Variants in JPT1 observed in about 807,000 individuals in gnomAD.
JPT1 encodes androgen-regulated protein 2.
Under a neutral mutation model 17.0 loss-of-function variants are expected in JPT1, and 5 were observed. The ratio of observed to expected loss-of-function variants is 0.29; its 90% confidence interval spans 0.15 to 0.62. JPT1 has a LOEUF of 0.62. JPT1 is among the 20% of genes least tolerant of loss of function. The probability of loss-of-function intolerance (pLI) is 0.85; values close to 1 mark genes in which losing one functional copy is unlikely to be tolerated. For missense variants in JPT1, 158 were observed against 188.1 expected, an observed-to-expected ratio of 0.84 and a Z score of 0.94; for synonymous variants, 71 against 73.6, an observed-to-expected ratio of 0.96 and a Z score of 0.18.
chr17:75,146,456 A>C, intron 4 of JPT1: 1 of 485,652 alleles, frequency 2.1e-6, no homozygotes. Context: ...CCCAGCCAAT[A>C]TATGTAATTT....
At chr17:75,137,059 T>A (rs2074212452) in intron 4 of JPT1, among the ~76,000 whole-genome samples, 1 of 152,212 alleles carries the variant, frequency 6.6e-6, no homozygotes. Context: ...GCCTTGCTTA[T>A]TAACTGTATG....
intron 4 of JPT1, 52 bp downstream of exon 4, chr17:75,146,614 C>G: frequency 7.4e-7 from 1 of 1,351,316 alleles, no homozygotes; most frequent in Non-Finnish European, 1.0e-6. Context: ...AGATTCAGAT[C>G]TGTCCTAAAA....
In JPT1 at chr17:75,146,355, T is replaced by C. The variant is rs2074434845; in HGVS notation, c.316+311A>G. 3 of 253,704 alleles carry C rather than the reference T, an allele frequency of 1.2e-5. No individual in the cohort carries two copies. In the South Asian group the frequency reaches 2.5e-4, roughly 21 times the overall value. 15.7% of individuals were successfully genotyped at this position (253,704 alleles called of 1,614,324 possible). ...TTTTTATAGAGACAGGGTTTCACCA[T>C]GTTTCCAGGCTGGTCTTGAACTCCT... On this transcript the variant is annotated intron_variant, in intron 4 of 4. Coordinates refer to ENST00000409753, the MANE Select transcript of JPT1 (RefSeq NM_016185.4).
chr17:75,142,634 GGGAGGGGA>G (rs2074345041), intron 4 of JPT1: 14 of 286,442 alleles, frequency 4.9e-5, no homozygotes, highest in East Asian at 2.9e-4. Flanking sequence ...AGGGAGGGGA[GGGAGGGGA>G]GGGGGGGATG....
In JPT1 at chr17:75,147,546, T is replaced by A. The variant is rs943251169; in HGVS notation, c.297+10A>T. ...TGAAAGCCTTTCTGGCCTCATGCTG[T>A]CACACTGACCTTCAGATCTAAGAAG... On this transcript the variant is annotated intron_variant, in intron 3 of 4. Transcript: ENST00000409753. 6.2e-7 allele frequency: 1 copy of A among 1,600,614 alleles called. No individual in the cohort carries two copies. The highest frequency in any genetic ancestry group is 1.7e-5 in the Admixed American group (1 of 59,994).
intron 4 of JPT1, among the ~76,000 whole-genome samples, chr17:75,137,957 C>CT (rs750540514): frequency 1.3e-5 from 2 of 149,238 alleles, no homozygotes; most frequent in African/African-American, 4.9e-5. Context: ...CCTAGTTTTC[C>CT]TTTTTTTTCT....
At chr17:75,145,250 CGT>C (rs2074404050) in intron 4 of JPT1, 1 of 151,488 alleles carries the variant, frequency 6.6e-6, no homozygotes, top group Non-Finnish European at 1.5e-5. Flanking sequence ...TCAACCTTTC[CGT>C]GTGTCCTTGT....
intron 4 of JPT1, among the ~76,000 whole-genome samples, chr17:75,143,890 A>AG (rs1375461578): frequency 6.6e-6 from 1 of 152,002 alleles, no homozygotes; most frequent in Non-Finnish European, 1.5e-5. Context: ...AAAACCCAAA[A>AG]GGGGCTGGGC....
chr17:75,146,897 A>T (rs7225769), intron 3 of JPT1: 11,296 of 493,684 alleles, frequency 0.023, 1,035 homozygotes, highest in African/African-American at 0.2. Flanking sequence ...TGCTAGTACC[A>T]CGTCTACAAC....
At chr17:75,147,029 T>C (rs750926879) in intron 3 of JPT1, among the ~76,000 whole-genome samples, 33 of 152,186 alleles carry the variant, frequency 2.2e-4, no homozygotes, top group Non-Finnish European at 3.8e-4. Context: ...AAGGGGAAAC[T>C]AGATAATAGT....
At chr17:75,143,632 T>C (rs2074368848) in intron 4 of JPT1, among the ~76,000 whole-genome samples, 1 of 151,516 alleles carries the variant, frequency 6.6e-6, no homozygotes, top group African/African-American at 2.4e-5. Flanking sequence ...GGTCAGGAGA[T>C]CAAGACCAGC....
chr17:75,137,624 CT>C (rs147035621), intron 4 of JPT1, among the ~76,000 whole-genome samples: 66 of 151,502 alleles, frequency 4.4e-4, no homozygotes, highest in African/African-American at 1.5e-3. Context: ...CCATCTCACC[CT>C]CCCTAAGTGC....
At chr17:75,136,690 C>T (rs1363552541) in intron 4 of JPT1, among the ~76,000 whole-genome samples, 1 of 152,174 alleles carries the variant, frequency 6.6e-6, no homozygotes, top group Non-Finnish European at 1.5e-5. Context: ...TGGGGTTTCA[C>T]CATCCTGGCC....
chr17:75,138,919 A>C (rs984242139), intron 4 of JPT1, among the ~76,000 whole-genome samples: 1 of 152,168 alleles, frequency 6.6e-6, no homozygotes, highest in Non-Finnish European at 1.5e-5. Flanking sequence ...GAGTAACATA[A>C]AATGTTCTAT....
At chr17:75,138,089 T>C (rs1320217186) in intron 4 of JPT1, among the ~76,000 whole-genome samples, 1 of 151,902 alleles carries the variant, frequency 6.6e-6, no homozygotes, top group African/African-American at 2.4e-5. Context: ...CCCAAGTAAG[T>C]AGCTGGGATT....
At chr17:75,142,895 C>T (rs920961508) in intron 4 of JPT1, 4 of 404,932 alleles carry the variant, frequency 9.9e-6, no homozygotes, top group Admixed American at 5.4e-5. Context: ...TACACACACA[C>T]ACACACAAAA....
chr17:75,151,744 C>T (rs965268037), intron 1 of JPT1, among the ~76,000 whole-genome samples: 1 of 151,960 alleles, frequency 6.6e-6, no homozygotes. Context: ...CCGAGGCGGG[C>T]GGATCACCTG....
chr17:75,142,507 C>T (rs906268014), intron 4 of JPT1, among the ~76,000 whole-genome samples: 6 of 147,482 alleles, frequency 4.1e-5, no homozygotes, highest in Non-Finnish European at 1.5e-5. Flanking sequence ...TGCAGTGAGC[C>T]GTGATCGTGC....
rs1217057407 is a variant in JPT1 at position 75,148,632 on chromosome 17, T to A, written c.96A>T (p.Leu32Phe). 6.2e-7 allele frequency: 1 copy of A among 1,614,194 alleles called. No homozygotes were observed. The highest frequency in any genetic ancestry group is 1.1e-5 in the South Asian group (1 of 91,084). ...RPPGGGSNFS[L>F]GFDEPTEQPV... ...GTTGTTCTGTTGGTTCATCAAAACC[T>A]AATGAAAAATTGGATCCACCACCTG... Residue 32 changes from leucine to phenylalanine, a missense_variant, in exon 2 of 5, where the codon TTA becomes TTT. Physicochemically the swap from Leu to Phe is conservative, Grantham distance 22. Transcript: ENST00000409753.
Sources: allele counts gnomAD v4.1 joint callset (sites outside exome capture counted in the v4.1 genomes callset), GRCh38; gene constraint gnomAD v4.1.1; transcripts MANE v1.5; gene names NCBI Gene and HGNC (gene_info 2026-07-23, HGNC 2026-07-21).